The following DGKH variants were observed in gnomAD, a reference collection of about 807,000 sequenced individuals.
DGKH encodes DAG kinase eta.
In DGKH, 90 loss-of-function variants were observed where a neutral mutation model predicts 159.3. That is an observed-to-expected ratio of 0.57 (90% CI 0.48 to 0.67). DGKH has a LOEUF of 0.67. Ranked by LOEUF, DGKH falls within the 30% of genes least tolerant of loss-of-function variation. The pLI is 0.00. For synonymous variants in DGKH, 536 were observed against 553.8 expected (o/e 0.97, Z 0.45); for missense variants, 1,181 against 1,506.1 (o/e 0.78, Z 3.57).
rs139632582 is a variant in DGKH at position 42,203,291 on chromosome 13, T to A, written c.2494-2748T>A. Reference sequence around the variant, plus strand: ...CAGTTCGGAAGAGTAAAGGCATTGCTTAAGTTCAAACAGCTGATAAGTGGA... The same window carrying A: ...CAGTTCGGAAGAGTAAAGGCATTGCATAAGTTCAAACAGCTGATAAGTGGA... On this transcript the variant is annotated intron_variant, in intron 20 of 29. Transcript: ENST00000337343. 4.6e-5 allele frequency among the ~76,000 whole-genome samples: 7 copies of A among 152,340 alleles called. No homozygotes were observed. The East Asian group carries it at 1.3e-3, about 29-fold the overall frequency.
intron 3 of DGKH, among the ~76,000 whole-genome samples, chr13:42,149,308 C>T (rs923642626): frequency 6.6e-6 from 1 of 152,200 alleles, no homozygotes; most frequent in African/African-American, 2.4e-5. Context: ...GTTTCCCCTT[C>T]ACTGTGTTCT....
chr13:42,098,677 C>T (rs1166602679), intron 1 of DGKH, among the ~76,000 whole-genome samples: 1 of 152,030 alleles, frequency 6.6e-6, no homozygotes, highest in African/African-American at 2.4e-5. Context: ...CTAAATGATG[C>T]AGTGAATATT....
downstream of DGKH, among the ~76,000 whole-genome samples, chr13:42,246,412 C>T (rs1476389820): frequency 6.6e-6 from 1 of 152,008 alleles, no homozygotes. Context: ...CATAGTGAGG[C>T]CTCATCTCTA....
chr13:42,068,686 T>A (rs192378005), intron 1 of DGKH, among the ~76,000 whole-genome samples: 12 of 152,342 alleles, frequency 7.9e-5, no homozygotes, highest in Admixed American at 5.2e-4. Context: ...CTTGTCTTAG[T>A]GCATTTCTTT....
At position 42,189,083 on chromosome 13, in the gene DGKH, C is replaced by T; in HGVS notation, c.1686C>T (p.His562=). The stretch of plus-strand genomic sequence containing the variant: ...TCGAACAACTGCTGCAGGCTTTGCA[C>T]ACAGATTCCCAGGCTGCGCCTGTTC... ...EKLEQLLQAL[H]TDSQAAPVLP... is the part of the protein sequence containing the mutation. The change falls in exon 15 of 30, where the codon CAC becomes CAT. Residue 562 remains histidine (H), a synonymous_variant. Coordinates refer to ENST00000337343, the MANE Select transcript of DGKH (RefSeq NM_178009.5). 1 of 1,614,172 alleles carries T rather than the reference C, an allele frequency of 6.2e-7. No individual in the cohort carries two copies. The highest frequency in any genetic ancestry group is 8.5e-7 in the Non-Finnish European group (1 of 1,179,982).
chr13:42,098,858 A>G (rs1954596566), intron 1 of DGKH, among the ~76,000 whole-genome samples: 1 of 152,256 alleles, frequency 6.6e-6, no homozygotes, highest in African/African-American at 2.4e-5. Context: ...AGGTGAGAAA[A>G]ATAACTTTTA....
Position 42,187,096 on chromosome 13 carries a change from C to T in DGKH, c.1586C>T (p.Thr529Met), listed in dbSNP as rs375491822. The change falls in exon 14 of 30, where the codon ACG becomes ATG. Residue 529 changes from threonine to methionine, a missense_variant. Thr to Met is a moderately conservative substitution (Grantham distance 81). Coordinates refer to ENST00000337343, the MANE Select transcript of DGKH (RefSeq NM_178009.5). ...GACTTCGTTGCCAAAGTAGAAAAGA[C>T]GTATGACAAAACCTTGGAAAATGCC... ...VKDFVAKVEK[T>M]YDKTLENAVV... 50 of 1,613,924 alleles carry T rather than the reference C, an allele frequency of 3.1e-5. No homozygotes were observed. The East Asian group carries it at 4.2e-4, about 14-fold the overall frequency.
At chr13:42,089,219 C>T (rs962295053) in intron 1 of DGKH, among the ~76,000 whole-genome samples, 1 of 152,138 alleles carries the variant, frequency 6.6e-6, no homozygotes, top group African/African-American at 2.4e-5. Flanking sequence ...AGACAAAAAT[C>T]AGTAAGGATA....
chr13:42,221,012 T>C (rs902889397), intron 28 of DGKH: 1 of 327,606 alleles, frequency 3.1e-6, no homozygotes, highest in African/African-American at 2.1e-5. Flanking sequence ...GTGGCTTTAA[T>C]GAGGAAACTG....
chr13:42,125,075 C>G (rs934540977), intron 1 of DGKH, among the ~76,000 whole-genome samples: 1 of 152,166 alleles, frequency 6.6e-6, no homozygotes, highest in Non-Finnish European at 1.5e-5. Context: ...CTTTCTCACC[C>G]GTTTCCCCAT....
intron 1 of DGKH, among the ~76,000 whole-genome samples, chr13:42,063,699 G>T (rs1468441334): frequency 6.6e-6 from 1 of 152,140 alleles, no homozygotes; most frequent in Non-Finnish European, 1.5e-5. Context: ...CAGCGCTTTG[G>T]GAAGCTGAGG....
intron 13 of DGKH, among the ~76,000 whole-genome samples, chr13:42,182,787 A>G (rs765390681): frequency 2.6e-5 from 4 of 152,122 alleles, no homozygotes; most frequent in Non-Finnish European, 2.9e-5. Context: ...TAATCTTTTT[A>G]AAAATCTAAA....
Position 42,206,128 on chromosome 13 carries a change from T to A in DGKH, c.2583T>A (p.Gly861=). The change falls in exon 21 of 30, where the codon GGT becomes GGA. Residue 861 remains glycine, a synonymous_variant. Coordinates refer to ENST00000337343, the MANE Select transcript of DGKH (RefSeq NM_178009.5). The part of the protein sequence containing the change: ...PSYAGGTNFW[G]GTKEDDIFAA... ...ATGCTGGAGGCACTAACTTTTGGGGTGGAACTAAAGAGGATGATGTAAGTA... is the reference window on the plus strand; with the variant it reads ...ATGCTGGAGGCACTAACTTTTGGGGAGGAACTAAAGAGGATGATGTAAGTA... The A allele has an allele frequency of 6.9e-7, 1 of 1,441,488 alleles. No individual in the cohort carries two copies. Among genetic ancestry groups the A allele is most frequent in the Middle Eastern group, 1.8e-4 (1 of 5,408 alleles). 89.3% of individuals were successfully genotyped at this position (1,441,488 alleles called of 1,614,324 possible).
chr13:42,190,254 C>A, intron 15 of DGKH, 149 bp from the exon 16 acceptor site: 1 of 839,708 alleles, frequency 1.2e-6, no homozygotes, highest in Non-Finnish European at 1.7e-6. Context: ...CTTCGGACAT[C>A]AACCCCAAGT....
intron 7 of DGKH, among the ~76,000 whole-genome samples, chr13:42,161,370 C>T (rs182116312): frequency 1.0e-3 from 156 of 152,280 alleles, no homozygotes; most frequent in African/African-American, 2.9e-3. Flanking sequence ...AAAACACGGC[C>T]GGGCGCGGTG....
chr13:42,049,732 G>A (rs1340918039), intron 1 of DGKH, among the ~76,000 whole-genome samples: 4 of 152,234 alleles, frequency 2.6e-5, no homozygotes, highest in African/African-American at 9.6e-5. Flanking sequence ...GTGCTGTGTG[G>A]ACATTAGGAT....
rs117636158 is a variant in DGKH, at chr13:42,072,302, G to A, written c.192+23337G>A. ...CTATTTACCCTCTAAGTGACTTCGG[G>A]TAAGTTACTTAATCTCTGTAACCCA... On this transcript the variant is annotated intron_variant, in intron 1 of 29. Transcript: ENST00000337343. Among the ~76,000 whole-genome samples the A allele has an allele frequency of 1.9e-4, 29 of 152,256 alleles. No individual in the cohort carries two copies. The East Asian group carries it at 5.6e-3, about 29-fold the overall frequency.
intron 3 of DGKH, among the ~76,000 whole-genome samples, chr13:42,132,064 GTC>G (rs1160924911): frequency 1.3e-5 from 2 of 152,154 alleles, no homozygotes; most frequent in Admixed American, 6.5e-5. Context: ...AAGAATAATC[GTC>G]TCTCTGCTGG....
intron 1 of DGKH, among the ~76,000 whole-genome samples, chr13:42,063,920 CAA>C (rs1344097725): frequency 7.4e-6 from 1 of 135,504 alleles, no homozygotes; most frequent in Non-Finnish European, 1.6e-5. Flanking sequence ...GCCTGGGCAA[CAA>C]GAGCAAAACT....
Sources: gnomAD v4.1 joint callset for allele counts (sites outside exome capture counted in the v4.1 genomes callset) on GRCh38, gnomAD v4.1.1 for gene constraint, MANE v1.5 for transcripts, NCBI Gene and HGNC (gene_info 2026-07-23, HGNC 2026-07-21) for gene names.